TMC6: variants seen among roughly 807,000 people sequenced by gnomAD.
TMC6 encodes the protein transmembrane channel-like protein 6.
Under a neutral mutation model 95.4 loss-of-function variants are expected in TMC6, and 71 were observed. The ratio of observed to expected loss-of-function variants is 0.74; its 90% confidence interval spans 0.61 to 0.91. The LOEUF (loss-of-function observed/expected upper bound fraction) is 0.91. TMC6 is among the 40% of genes least tolerant of loss of function. The pLI is 0.00. For missense variants in TMC6, 1,074 were observed against 1,079.1 expected (o/e 1.00, Z 0.07); for synonymous variants, 514 against 483.1 (o/e 1.06, Z -0.84).
Position 78,124,899 on chromosome 17 carries a change from G to A in TMC6, c.623C>T (p.Ala208Val), listed in dbSNP as rs1275240247. The A allele has an allele frequency of 6.3e-7, 1 of 1,596,648 alleles. No homozygotes were observed. The highest frequency in any genetic ancestry group is 8.5e-7 in the Non-Finnish European group (1 of 1,173,512). ...ACCAGGGGCCCATACCAGCACGCAG[G>A]CATATCTGAGCCGGCCACAGCAGGA... ...VCSCCGRLRY[A>V]CVLALHSLGL... The change falls in exon 7 of 20, where the codon GCC (alanine) becomes GTC (valine). Residue 208 changes from alanine to valine, a missense_variant. Ala to Val is a moderately conservative substitution (Grantham distance 64). Transcript: ENST00000590602.
At chr17:78,116,644 G>C (rs2074132477) in intron 18 of TMC6, among the ~76,000 whole-genome samples, 2 of 152,206 alleles carry the variant, frequency 1.3e-5, no homozygotes, top group East Asian at 2.0e-4. Flanking sequence ...CTAGCACTTT[G>C]GGAGGCCAAG....
intron 18 of TMC6, 138 bp downstream of exon 18, chr17:78,117,131 A>G (rs2074159656): frequency 1.1e-6 from 1 of 873,790 alleles, no homozygotes; most frequent in Non-Finnish European, 1.8e-6. Context: ...GCACGTATTG[A>G]TCAGGGTCAC....
At chr17:78,126,716 G>C in intron 2 of TMC6, 61 bp downstream of exon 2, 1 of 1,611,862 alleles carries the variant, frequency 6.2e-7, no homozygotes, top group Non-Finnish European at 8.5e-7. Context: ...CCCTGCTCAG[G>C]TGACCTCTCC....
At chr17:78,114,025 G>A (rs1230465247) in intron 18 of TMC6, 26 of 326,070 alleles carry the variant, frequency 8.0e-5, no homozygotes, top group Admixed American at 7.9e-4. Flanking sequence ...CTGTCGTAAC[G>A]AACTGTCATC....
At chr17:78,119,455 C>A in intron 13 of TMC6, 63 bp from the exon 14 acceptor site, 1 of 1,549,990 alleles carries the variant, frequency 6.5e-7, no homozygotes. Flanking sequence ...CAGCCTGAGT[C>A]CCCACACCCA....
Position 78,124,608 on chromosome 17 carries a change from G to A in TMC6, c.807C>T (p.Phe269=), listed in dbSNP as rs1466677835. The change falls in exon 8 of 20, where the codon TTC becomes TTT. Residue 269 remains phenylalanine (F), a synonymous_variant. Coordinates refer to ENST00000590602, the MANE Select transcript of TMC6 (RefSeq NM_001127198.5). ...GGAAGGCGACCTGAGGGCCCATGAT[G>A]AAGGCCACCAGCAGCAGCAGCAGGA... is the stretch of plus-strand genomic sequence containing the variant. The part of the protein sequence containing the change: ...NALLLLLLVA[F]IMGPQVAFPP... 1 of 1,612,410 alleles carries A rather than the reference G, an allele frequency of 6.2e-7. No homozygotes were observed.
intron 18 of TMC6, among the ~76,000 whole-genome samples, chr17:78,116,942 A>C (rs2074147920): frequency 1.3e-5 from 2 of 152,322 alleles, no homozygotes; most frequent in South Asian, 2.1e-4. Context: ...AAATGAGTGA[A>C]GAGTCCATAG....
intron 17 of TMC6, 43 bp from the exon 18 acceptor site, chr17:78,117,390 C>T (rs560427250): frequency 1.4e-5 from 23 of 1,612,368 alleles, no homozygotes; most frequent in South Asian, 6.6e-5. Flanking sequence ...GGCCACAGCC[C>T]GGGAGCGGCC....
upstream of TMC6, chr17:78,132,268 C>A (rs1198281650): frequency 2.6e-6 from 4 of 1,520,428 alleles, no homozygotes; most frequent in Non-Finnish European, 3.6e-6. Flanking sequence ...GGCGGGCACC[C>A]CACGCCGTCC....
chr17:78,122,846 C>T lies in TMC6; in HGVS notation c.1083-97G>A. The stretch of plus-strand genomic sequence containing the variant: ...GGATGCTCTGGGCAGCCAGACCCCA[C>T]CACCCACTCAGGAGCCATCTGGGCC... On this transcript the variant is annotated intron_variant, in intron 9 of 19. Coordinates refer to ENST00000590602, the MANE Select transcript of TMC6 (RefSeq NM_001127198.5). This position sits in a 1 kb window ranked among gnomAD's most constrained non-coding sequence, Gnocchi z 4.9. 2.0e-6 allele frequency: 3 copies of T among 1,529,554 alleles called. No individual in the cohort carries two copies. The African/African-American group carries it at 4.1e-5, about 21-fold the overall frequency. The allele number at this position is 1,529,554 out of a possible 1,614,324, so 94.7% of individuals were successfully genotyped here. A position where few individuals can be genotyped will look rare whatever the true frequency, so the allele number is the denominator to read the frequency against.
intron 2 of TMC6, 24 bp from the exon 3 acceptor site, chr17:78,126,672 G>T (rs781146024): frequency 3.7e-6 from 6 of 1,612,444 alleles, no homozygotes; most frequent in Non-Finnish European, 3.4e-6. Context: ...TGGCGGGGGG[G>T]TCAGGCTCCA....
chr17:78,126,680 C>G (rs925049888), intron 2 of TMC6, 32 bp from the exon 3 acceptor site: 27 of 1,612,276 alleles, frequency 1.7e-5, no homozygotes, highest in Non-Finnish European at 2.3e-5. Flanking sequence ...GGGTCAGGCT[C>G]CAGCCACCTC....
At chr17:78,123,606 T>C (rs1396411879) in intron 9 of TMC6, among the ~76,000 whole-genome samples, 1 of 113,936 alleles carries the variant, frequency 8.8e-6, no homozygotes, top group African/African-American at 3.5e-5. Flanking sequence ...GGTGGGTGAA[T>C]GGATGAATGG....
At chr17:78,131,345 C>A, upstream of TMC6, 2 of 599,344 alleles carry the variant, frequency 3.3e-6, no homozygotes. Context: ...GGCCCGAATT[C>A]GACCGCAGCA....
In TMC6 at chr17:78,124,723, C is replaced by A. The variant is rs748531251; in HGVS notation, c.692G>T (p.Arg231Leu). 3.8e-6 allele frequency: 6 copies of A among 1,591,916 alleles called. No homozygotes were observed. Among genetic ancestry groups the A allele is most frequent in the Non-Finnish European group, 5.1e-6 (6 of 1,169,778 alleles). ...GCCCCCGATGCGCTTCAGGGCGTAGCGCCACGGCATCAGGGCCTGCAGGGC... is the reference window on the plus strand; with the variant it reads ...GCCCCCGATGCGCTTCAGGGCGTAGAGCCACGGCATCAGGGCCTGCAGGGC... The part of the protein sequence containing the change: ...LSALQALMPW[R>L]YALKRIGGQF... Residue 231 changes from arginine (R) to leucine (L), a missense_variant, in exon 8 of 20, where the codon CGC becomes CTC. By Grantham distance (102) the Arg-to-Leu change is moderately radical (BLOSUM62 -2). Transcript: ENST00000590602.
In TMC6 at chr17:78,112,932, C is replaced by A; in HGVS notation, c.*216G>T. The A allele has an allele frequency of 1.7e-6, 1 of 589,778 alleles. No homozygotes were observed. Among genetic ancestry groups the A allele is most frequent in the South Asian group, 2.1e-5 (1 of 48,144 alleles). The allele number at this position is 589,778 out of a possible 1,614,324, so 36.5% of individuals were successfully genotyped here. ...CAAGGGACAAGCCCATTTGCAAAAC[C>A]CCTTTAATCAGAATAAATAGAGTCC... On this transcript the variant is annotated 3_prime_UTR_variant, in exon 20 of 20. Transcript: ENST00000590602.
rs764901750 is a variant in TMC6, at chr17:78,121,076, C to T, written c.1472G>A (p.Arg491His). The change falls in exon 12 of 20, where the codon CGT becomes CAT. Residue 491 changes from arginine to histidine, a missense_variant. Arg to His is a conservative substitution (Grantham distance 29). Transcript: ENST00000590602. The surrounding 1 kb of genome is among the most constrained non-coding windows in gnomAD (Gnocchi z 5.6). ...LLNLGAPYLC[R>H]VLAALEPHDS... ...ATGCGGCTCCAGGGCGGCCAGGACACGGCACAGGTAGGGGGCCCCCAGGTT... is the reference window on the plus strand; with the variant it reads ...ATGCGGCTCCAGGGCGGCCAGGACATGGCACAGGTAGGGGGCCCCCAGGTT... 1.5e-5 allele frequency: 24 copies of T among 1,613,096 alleles called. No individual in the cohort carries two copies. Among genetic ancestry groups the T allele is most frequent in the Non-Finnish European group, 1.8e-5 (21 of 1,179,964 alleles).
intron 9 of TMC6, chr17:78,123,221 T>A (rs1271237519): frequency 6.3e-5 from 19 of 300,592 alleles, no homozygotes; most frequent in Non-Finnish European, 1.0e-4. Flanking sequence ...GCCTCATGGA[T>A]TGTCCCAGCC....
chr17:78,123,786 T>C (rs1160323693), intron 9 of TMC6, among the ~76,000 whole-genome samples: 1 of 148,866 alleles, frequency 6.7e-6, no homozygotes, highest in Non-Finnish European at 1.5e-5. Flanking sequence ...GGTGGGTGGA[T>C]GGATGAATGG....
Sources: gnomAD v4.1 joint callset for allele counts (sites outside exome capture counted in the v4.1 genomes callset) on GRCh38, gnomAD v4.1.1 for gene constraint, Gnocchi (gnomAD v3.1) non-coding constraint, MANE v1.5 for transcripts, NCBI Gene and HGNC (gene_info 2026-07-23, HGNC 2026-07-21) for gene names.